The following FBN1 variants were observed in gnomAD, a reference collection of about 807,000 sequenced individuals.
FBN1 encodes fibrillin 1.
Under a neutral mutation model 365.1 loss-of-function variants are expected in FBN1, and 29 were observed. The observed-to-expected ratio is 0.08, with a 90% confidence interval of 0.06 to 0.11. The LOEUF is 0.11. Among genes scored for constraint, FBN1 ranks in the 10% least tolerant of loss-of-function variants. The pLI, the probability that FBN1 is intolerant of heterozygous loss-of-function variation, is 1.00. For missense variants in FBN1, 2,476 were observed against 3,703.2 expected (o/e 0.67, Z 8.60); for synonymous variants, 1,210 against 1,270.5 (o/e 0.95, Z 1.01).
chr15:48,588,003 G>GCAGCAGATCTTTAAGAAGATGCTTT (rs2044449935), intron 6 of FBN1, among the ~76,000 whole-genome samples: 2 of 152,038 alleles, frequency 1.3e-5, no homozygotes, highest in African/African-American at 4.8e-5. Flanking sequence ...TTTCTGAAGA[G>GCAGCAGATCTTTAAGAAGATGCTTT]CTGGAGAAGC....
chr15:48,432,729 A>G, intron 55 of FBN1, 137 bp downstream of exon 55: 1 of 1,115,976 alleles, frequency 9.0e-7, no homozygotes, highest in Non-Finnish European at 1.3e-6. Context: ...GAAACGTGGC[A>G]GTGACAACCC....
intron 38 of FBN1, among the ~76,000 whole-genome samples, chr15:48,466,438 C>T (rs1048150243): frequency 6.6e-6 from 1 of 152,152 alleles, no homozygotes; most frequent in Non-Finnish European, 1.5e-5. Flanking sequence ...TTGGGTTTCC[C>T]CCATTAATTC....
At chr15:48,538,747 G>C (rs1167601547) in intron 6 of FBN1, among the ~76,000 whole-genome samples, 1 of 152,120 alleles carries the variant, frequency 6.6e-6, no homozygotes, top group African/African-American at 2.4e-5. Context: ...AGGGAGGCTG[G>C]GCTGGGGTAA....
chr15:48,561,886 G>C (rs954822671), intron 6 of FBN1, among the ~76,000 whole-genome samples: 3 of 151,348 alleles, frequency 2.0e-5, no homozygotes, highest in Non-Finnish European at 4.4e-5. Context: ...GCTTTCCCTG[G>C]AAATGGGGTC....
chr15:48,532,472 G>A (rs199859858), intron 8 of FBN1, among the ~76,000 whole-genome samples: 3 of 149,168 alleles, frequency 2.0e-5, no homozygotes, highest in East Asian at 2.2e-4. Context: ...ATGTGTGTGT[G>A]TATATGTGTG....
chr15:48,462,435 G>A (rs1325022147), intron 42 of FBN1, among the ~76,000 whole-genome samples: 1 of 151,980 alleles, frequency 6.6e-6, no homozygotes, highest in Non-Finnish European at 1.5e-5. Flanking sequence ...TCAATATCAA[G>A]AAAAGTTGCA....
At chr15:48,521,698 G>A (rs1005119047) in intron 9 of FBN1, among the ~76,000 whole-genome samples, 7 of 152,184 alleles carry the variant, frequency 4.6e-5, no homozygotes, top group South Asian at 2.1e-4. Flanking sequence ...ATATTACCAC[G>A]AAACAGTGAA....
Position 48,470,760 on chromosome 15 carries a change from G to T in FBN1, c.4337-4C>A. On this transcript the variant is annotated splice_region_variant and splice_polypyrimidine_tract_variant and intron_variant, in intron 35 of 65. Transcript: ENST00000316623. ...GGAAGGGAGCACTCATCAATATCTT[G>T]GGGGGAGGGAGAAAAAAGCAAAAAA... is the stretch of plus-strand genomic sequence containing the variant. 3.7e-6 allele frequency: 6 copies of T among 1,613,774 alleles called. No homozygotes were observed. Among genetic ancestry groups the T allele is most frequent in the Non-Finnish European group, 5.1e-6 (6 of 1,179,900 alleles).
intron 2 of FBN1, among the ~76,000 whole-genome samples, chr15:48,629,306 G>GT (rs1889942094): frequency 6.6e-6 from 1 of 152,202 alleles, no homozygotes; most frequent in Non-Finnish European, 1.5e-5. Flanking sequence ...AAGCACTGGT[G>GT]TAGAGGACAG....
In FBN1 at chr15:48,487,364, G is replaced by A. The variant is rs878853681; in HGVS notation, c.3411C>T (p.Arg1137=). ...GVCHNTEGSY[R]CECPPGHQLS... ...GCTGATGGCCAGGCGGGCATTCACA[G>A]CGGTAACTTCCCTCTGTGTTATGGC... Residue 1137 remains arginine, a synonymous_variant, in exon 28 of 66, where the codon CGC becomes CGT. Transcript: ENST00000316623. 3 of 1,614,214 alleles carry A rather than the reference G, an allele frequency of 1.9e-6. No homozygotes were observed. Among genetic ancestry groups the A allele is most frequent in the Non-Finnish European group, 2.5e-6 (3 of 1,180,040 alleles).
chr15:48,435,692 ATGTG>A (rs1421576368), intron 53 of FBN1, among the ~76,000 whole-genome samples: 1 of 133,308 alleles, frequency 7.5e-6, no homozygotes, highest in African/African-American at 2.9e-5. Flanking sequence ...GTGTGTGTGC[ATGTG>A]TGTGTGTATA....
At position 48,556,568 on chromosome 15, in the gene FBN1, C is replaced by G. The variant is rs146695815; in HGVS notation, c.539-18760G>C. The stretch of plus-strand genomic sequence containing the variant: ...CTGAAATGCAGTTAGAAATCATTTT[C>G]TTTGAAACCTAACAAAAAGGGTTCC... On this transcript the variant is annotated intron_variant, in intron 6 of 65. Coordinates refer to ENST00000316623, the MANE Select transcript of FBN1 (RefSeq NM_000138.5). 3.1e-4 allele frequency among the ~76,000 whole-genome samples: 47 copies of G among 152,306 alleles called. No individual in the cohort carries two copies. The East Asian group carries it at 8.5e-3, about 27-fold the overall frequency.
At chr15:48,559,101 T>C (rs1463864991) in intron 6 of FBN1, among the ~76,000 whole-genome samples, 1 of 152,160 alleles carries the variant, frequency 6.6e-6, no homozygotes. Flanking sequence ...CCAGAAGTCT[T>C]CTTAGAAATC....
At chr15:48,424,270 A>G (rs2042962684) in intron 60 of FBN1, among the ~76,000 whole-genome samples, 1 of 152,224 alleles carries the variant, frequency 6.6e-6, no homozygotes, top group South Asian at 2.1e-4. Context: ...CTGCACAGGA[A>G]GGCCTCAGGC....
rs773877445 is a variant in FBN1 at position 48,421,666 on chromosome 15, C to G, written c.7591G>C (p.Asp2531His). The G allele has an allele frequency of 1.2e-6, 2 of 1,613,778 alleles. No individual in the cohort carries two copies. The highest frequency in any genetic ancestry group is 1.1e-5 in the South Asian group (1 of 90,892). ...SCIDNNECTS[D>H]INLCGSKGIC... ...CCCTTAGACCCGCACAGATTGATGT[C>G]AGAGGTGCATTCATTGTTATCTATG... The change falls in exon 62 of 66, where the codon GAC becomes CAC. Residue 2531 changes from aspartate (D) to histidine (H), a missense_variant. Asp to His is a moderately conservative substitution (Grantham distance 81). Coordinates refer to ENST00000316623, the MANE Select transcript of FBN1 (RefSeq NM_000138.5).
In FBN1 at chr15:48,574,387, T is replaced by C. The variant is rs532393596; in HGVS notation, c.538+21896A>G. 3.5e-4 allele frequency among the ~76,000 whole-genome samples: 53 copies of C among 152,302 alleles called. 1 individual carries two copies. The highest frequency in any genetic ancestry group is 2.4e-5 in the African/African-American group (1 of 41,574). On this transcript the variant is annotated intron_variant, in intron 6 of 65. Transcript: ENST00000316623. ...GAAGCATGGCACTGCAAACATATAC[T>C]GTAGATTGTGGATTGTTGTTTGTGA...
intron 6 of FBN1, among the ~76,000 whole-genome samples, chr15:48,566,588 G>A (rs575990885): frequency 1.4e-4 from 21 of 152,278 alleles, no homozygotes; most frequent in Admixed American, 1.2e-3. Flanking sequence ...AACTGTTGTA[G>A]CATAAAACTT....
At position 48,469,112 on chromosome 15, in the gene FBN1, C is replaced by CATAT. The variant is rs1165855215; in HGVS notation, c.4460-582_4460-579dup. Among the ~76,000 whole-genome samples, 343 of 99,918 alleles carry CATAT rather than the reference C, an allele frequency of 3.4e-3. 1 individual carries two copies. Among genetic ancestry groups the CATAT allele is most frequent in the African/African-American group, 0.014 (327 of 23,298 alleles). 65.6% of individuals were successfully genotyped at this position (99,918 alleles called of 152,430 possible). On this transcript the variant is annotated intron_variant, in intron 36 of 65. Transcript: ENST00000316623. ...TATATATAAAATATAATATATATTA[C>CATAT]ATATATATATAAAATATAATATATA...
At chr15:48,426,770 A>C (rs536776519) in intron 58 of FBN1, among the ~76,000 whole-genome samples, 2 of 152,134 alleles carry the variant, frequency 1.3e-5, no homozygotes, top group Non-Finnish European at 2.9e-5. Context: ...TTATTGCTAC[A>C]TCCTCCAAAG....
Sources: gnomAD v4.1 joint callset for allele counts (sites outside exome capture counted in the v4.1 genomes callset) on GRCh38, gnomAD v4.1.1 for gene constraint, MANE v1.5 for transcripts, NCBI Gene and HGNC (gene_info 2026-07-23, HGNC 2026-07-21) for gene names.